The following KTN1 variants were observed in gnomAD, a reference collection of about 807,000 sequenced individuals.
KTN1 encodes kinectin.
In KTN1, 130 loss-of-function variants were observed where a neutral mutation model predicts 222.5. That is an observed-to-expected ratio of 0.58 (90% CI 0.51 to 0.68). KTN1 has a LOEUF of 0.68. KTN1 is among the 30% of genes least tolerant of loss of function. KTN1 has a pLI of 0.00. For missense variants in KTN1, 1,508 were observed against 1,500.4 expected (o/e 1.01, Z -0.08); for synonymous variants, 512 against 496.3 (o/e 1.03, Z -0.42).
intron 8 of KTN1, among the ~76,000 whole-genome samples, chr14:55,633,859 C>G (rs905072646): frequency 2.6e-5 from 4 of 152,050 alleles, no homozygotes; most frequent in Non-Finnish European, 4.4e-5. Context: ...CACTTTCGGG[C>G]CGGGTGTGGT....
At chr14:55,601,355 C>A (rs1230874652) in intron 1 of KTN1, among the ~76,000 whole-genome samples, 1 of 152,180 alleles carries the variant, frequency 6.6e-6, no homozygotes, top group Non-Finnish European at 1.5e-5. Flanking sequence ...AGAAAAGATA[C>A]TGTAAATGGG....
intron 43 of KTN1, chr14:55,680,691 T>A: frequency 1.5e-6 from 2 of 1,366,448 alleles, no homozygotes; most frequent in Non-Finnish European, 2.0e-6. Context: ...TTTAGAGTGA[T>A]CATCCTCTGG....
chr14:55,659,132 A>G (rs1015638738), intron 30 of KTN1, among the ~76,000 whole-genome samples: 9 of 152,176 alleles, frequency 5.9e-5, no homozygotes, highest in African/African-American at 1.9e-4. Context: ...TAGACTTGAT[A>G]GTATTTTGAG....
intron 5 of KTN1, among the ~76,000 whole-genome samples, chr14:55,622,005 T>A (rs1308860585): frequency 2.6e-5 from 4 of 151,496 alleles, no homozygotes; most frequent in African/African-American, 9.7e-5. Flanking sequence ...TGCACCACCA[T>A]GCCTGGCTAA....
chr14:55,600,604 ATTAGATGGCCC>A (rs1269728256), intron 1 of KTN1, among the ~76,000 whole-genome samples: 1 of 152,142 alleles, frequency 6.6e-6, no homozygotes, highest in Non-Finnish European at 1.5e-5. Flanking sequence ...GGCTAGTTGG[ATTAGATGGCCC>A]TTTCTTACTC....
rs780670942 is a variant in KTN1 at position 55,612,380 on chromosome 14, T to C, written c.332T>C (p.Val111Ala). The part of the protein sequence containing the change: ...PLNVVETSSS[V>A]RERKKKEKKQ... ...AATGTCGTTGAAACTTCAAGTAGTG[T>C]TAGGGAAAGAAAAAAGAAGGAAAAG... The change falls in exon 2 of 44, where the codon GTT (valine) becomes GCT (alanine). Residue 111 changes from valine to alanine, a missense_variant. Coordinates refer to ENST00000395314, the MANE Select transcript of KTN1 (RefSeq NM_001079521.2). 5.6e-6 allele frequency: 9 copies of C among 1,613,778 alleles called. No individual in the cohort carries two copies. The African/African-American group carries it at 1.1e-4, about 19-fold the overall frequency.
At chr14:55,606,308 G>A (rs905174048) in intron 1 of KTN1, among the ~76,000 whole-genome samples, 1 of 151,958 alleles carries the variant, frequency 6.6e-6, no homozygotes, top group Non-Finnish European at 1.5e-5. Flanking sequence ...GCATTCCTGT[G>A]TTGAAAATTA....
At chr14:55,596,926 A>G (rs572053265) in intron 1 of KTN1, among the ~76,000 whole-genome samples, 190 of 151,928 alleles carry the variant, frequency 1.3e-3, no homozygotes, top group African/African-American at 4.4e-3. Flanking sequence ...TTTCTGTCAT[A>G]GACTCTTTTT....
At chr14:55,646,385 T>TACTTGGGAGGCTGAGGCAGGAGAATGGCG (rs2042276902) in intron 18 of KTN1, among the ~76,000 whole-genome samples, 1 of 151,750 alleles carries the variant, frequency 6.6e-6, no homozygotes, top group Non-Finnish European at 1.5e-5. Flanking sequence ...GAGCCCATGT[T>TACTTGGGAGGCTGAGGCAGGAGAATGGCG]TGTCTGTCTT....
Position 55,635,174 on chromosome 14 carries a change from GAAAGAA to G in KTN1, c.1461+523_1461+528del, listed in dbSNP as rs978029465. Among the ~76,000 whole-genome samples, 4 of 152,234 alleles carry G rather than the reference GAAAGAA, an allele frequency of 2.6e-5. No individual in the cohort carries two copies. The South Asian group carries it at 6.2e-4, about 24-fold the overall frequency. On this transcript the variant is annotated intron_variant, in intron 9 of 43. Coordinates refer to ENST00000395314, the MANE Select transcript of KTN1 (RefSeq NM_001079521.2). ...TGTAGTCTAAATGCTATGCCCTGAT[GAAAGAA>G]AAAGAAGCATGTGCCCTATTGAAAG...
intron 19 of KTN1, 138 bp downstream of exon 19, chr14:55,647,145 G>A (rs192435226): frequency 2.8e-5 from 17 of 615,924 alleles, no homozygotes; most frequent in Admixed American, 1.5e-4. Context: ...TTACATTACC[G>A]TTTGTGGGTT....
At chr14:55,594,414 T>G (rs766878441) in intron 1 of KTN1, among the ~76,000 whole-genome samples, 17 of 152,150 alleles carry the variant, frequency 1.1e-4, no homozygotes, top group Non-Finnish European at 1.9e-4. Flanking sequence ...TGAAATGTGA[T>G]TCTTGCTTTT....
At chr14:55,638,458 A>T (rs1041281646) in intron 12 of KTN1, among the ~76,000 whole-genome samples, 7 of 151,920 alleles carry the variant, frequency 4.6e-5, no homozygotes, top group Admixed American at 2.0e-4. Flanking sequence ...ATTTGTAGCA[A>T]AAAGTATTGG....
intron 1 of KTN1, among the ~76,000 whole-genome samples, chr14:55,591,368 T>C (rs201151717): frequency 6.6e-6 from 1 of 152,120 alleles, no homozygotes; most frequent in East Asian, 1.9e-4. Flanking sequence ...AGAAATAGAA[T>C]TGCTGGATTG....
At chr14:55,592,031 T>C (rs948450251) in intron 1 of KTN1, among the ~76,000 whole-genome samples, 3 of 152,220 alleles carry the variant, frequency 2.0e-5, no homozygotes, top group Admixed American at 6.5e-5. Context: ...TTGCCAATTA[T>C]GTGTTATAAA....
chr14:55,644,498 T>G (rs2042101875), intron 18 of KTN1: 1 of 680,136 alleles, frequency 1.5e-6, no homozygotes, highest in Non-Finnish European at 2.7e-6. Context: ...GGATTTAGGC[T>G]TGCAGATGGT....
At chr14:55,675,692 T>A (rs1275243752) in intron 40 of KTN1, 143 bp from the exon 41 acceptor site, 1 of 538,196 alleles carries the variant, frequency 1.9e-6, no homozygotes, top group African/African-American at 1.9e-5. Context: ...TTAGCCTTTC[T>A]ATACATCTGG....
At chr14:55,652,995 A>T (rs765591095) in intron 26 of KTN1, 22 bp from the exon 27 acceptor site, 1 of 1,589,566 alleles carries the variant, frequency 6.3e-7, no homozygotes, top group Non-Finnish European at 8.6e-7. Flanking sequence ...TATCAATTTA[A>T]TTTACACCTA....
chr14:55,661,453 T>C, intron 31 of KTN1, 69 bp from the exon 32 acceptor site: 1 of 776,978 alleles, frequency 1.3e-6, no homozygotes, highest in Non-Finnish European at 2.2e-6. Context: ...CAAATGTTGA[T>C]AGGTAGGGAT....
Sources: gnomAD v4.1 joint callset for allele counts (sites outside exome capture counted in the v4.1 genomes callset) on GRCh38, gnomAD v4.1.1 for gene constraint, MANE v1.5 for transcripts, NCBI Gene and HGNC (gene_info 2026-07-23, HGNC 2026-07-21) for gene names.